CNOT4: variants seen among roughly 807,000 people sequenced by gnomAD.
The protein encoded by CNOT4 is CCR4-associated factor 4.
Under a neutral mutation model 73.8 loss-of-function variants are expected in CNOT4, and 8 were observed. The ratio of observed to expected loss-of-function variants is 0.11; its 90% CI spans 0.06 to 0.20. CNOT4 has a LOEUF of 0.20. Among genes scored for constraint, CNOT4 ranks in the 10% least tolerant of loss-of-function variants. The probability of loss-of-function intolerance (pLI) is 1.00; values close to 1 mark genes in which losing one functional copy is unlikely to be tolerated. For synonymous variants in CNOT4, 293 were observed against 321.1 expected, an observed-to-expected ratio of 0.91 and a Z score of 0.94; for missense variants, 564 against 883.4, an observed-to-expected ratio of 0.64 and a Z score of 4.58.
At chr7:135,509,809 T>C (rs1193436528) in intron 1 of CNOT4, 80 bp downstream of exon 1, 6 of 379,568 alleles carry the variant, frequency 1.6e-5, no homozygotes, top group Admixed American at 4.5e-5. Context: ...GTGCGGCCTG[T>C]ACAGTCCCAG....
intron 10 of CNOT4, among the ~76,000 whole-genome samples, chr7:135,378,135 C>T (rs1190041144): frequency 6.6e-6 from 1 of 152,188 alleles, no homozygotes; most frequent in Non-Finnish European, 1.5e-5. Flanking sequence ...CAAAATTTTA[C>T]AGTGCATTAG....
chr7:135,429,011 C>G (rs935142458), intron 2 of CNOT4, among the ~76,000 whole-genome samples: 1 of 152,026 alleles, frequency 6.6e-6, no homozygotes. Flanking sequence ...ACACATCTTG[C>G]TAATTCTGTT....
intron 8 of CNOT4, 90 bp downstream of exon 8, chr7:135,398,079 G>A: frequency 4.1e-6 from 3 of 740,250 alleles, no homozygotes; most frequent in Non-Finnish European, 7.3e-6. Context: ...AATTGTGTCA[G>A]TAAAGTATTT....
intron 2 of CNOT4, among the ~76,000 whole-genome samples, chr7:135,424,817 A>C (rs1296031687): frequency 6.6e-6 from 1 of 151,944 alleles, no homozygotes; most frequent in Non-Finnish European, 1.5e-5. Flanking sequence ...AAACAAACAA[A>C]AAAAAACAAA....
chr7:135,368,844 G>C (rs369909076), intron 10 of CNOT4, among the ~76,000 whole-genome samples: 107 of 152,304 alleles, frequency 7.0e-4, no homozygotes, highest in African/African-American at 2.5e-3. Context: ...ACCTTTCACA[G>C]AACACTGCTT....
At chr7:135,373,802 G>A (rs6467589) in intron 10 of CNOT4, among the ~76,000 whole-genome samples, 102,611 of 151,836 alleles carry the variant, frequency 0.68, 34,990 homozygotes, top group Middle Eastern at 0.79. Context: ...GGCTGGTCTC[G>A]AACTCCTGAC....
chr7:135,468,595 C>A (rs1477191210), intron 1 of CNOT4, among the ~76,000 whole-genome samples: 1 of 151,130 alleles, frequency 6.6e-6, no homozygotes, highest in Non-Finnish European at 1.5e-5. Context: ...ACATGAGAAT[C>A]GCTTGAACTC....
At chr7:135,424,737 T>C (rs1798397692) in intron 2 of CNOT4, among the ~76,000 whole-genome samples, 1 of 151,936 alleles carries the variant, frequency 6.6e-6, no homozygotes, top group South Asian at 2.1e-4. Flanking sequence ...TGCAGTGAGC[T>C]GAGATTGTGC....
intron 1 of CNOT4, chr7:135,509,490 G>C (rs766045818): frequency 6.6e-6 from 1 of 152,568 alleles, no homozygotes; most frequent in Non-Finnish European, 1.5e-5. Flanking sequence ...CTTGGGAGAC[G>C]GGGGCCAGAG....
intron 1 of CNOT4, among the ~76,000 whole-genome samples, chr7:135,483,779 G>A (rs1486449830): frequency 6.6e-6 from 1 of 152,194 alleles, no homozygotes; most frequent in Non-Finnish European, 1.5e-5. Flanking sequence ...CTGCACCATT[G>A]CACTCCAGCC....
rs1042025282 is a variant in CNOT4 at position 135,362,383 on chromosome 7, G to A, written c.*502C>T. 1.8e-5 allele frequency: 3 copies of A among 169,866 alleles called. No individual in the cohort carries two copies. Among genetic ancestry groups the A allele is most frequent in the Non-Finnish European group, 1.3e-5 (1 of 77,680 alleles). The allele number at this position is 169,866 out of a possible 1,614,324, so 10.5% of individuals were successfully genotyped here. A position where few individuals can be genotyped will look rare whatever the true frequency, so the allele number is the denominator to read the frequency against. On this transcript the variant is annotated 3_prime_UTR_variant, in exon 12 of 12. Transcript: ENST00000541284. ...AATTAAAAATTAATTTAAATTAAAA[G>A]CATTTTCCCTGCAATAATGATAAGC...
chr7:135,439,192 G>C (rs1799332884), intron 1 of CNOT4, among the ~76,000 whole-genome samples: 1 of 152,134 alleles, frequency 6.6e-6, no homozygotes, highest in Admixed American at 6.5e-5. Flanking sequence ...TAAAAGGTTA[G>C]CTTGAAATCA....
intron 1 of CNOT4, among the ~76,000 whole-genome samples, chr7:135,456,452 A>G (rs1269246806): frequency 6.6e-6 from 1 of 151,994 alleles, no homozygotes; most frequent in Admixed American, 6.6e-5. Context: ...TTGACTACAT[A>G]TTAGGCAAAT....
At chr7:135,373,715 T>G (rs1795350583) in intron 10 of CNOT4, among the ~76,000 whole-genome samples, 1 of 152,080 alleles carries the variant, frequency 6.6e-6, no homozygotes, top group Non-Finnish European at 1.5e-5. Flanking sequence ...TAGCTGGGAT[T>G]ACAGGCAAGT....
intron 3 of CNOT4, among the ~76,000 whole-genome samples, chr7:135,420,173 T>C (rs1585616257): frequency 6.6e-6 from 1 of 152,310 alleles, no homozygotes; most frequent in East Asian, 1.9e-4. Flanking sequence ...AGTACTACAG[T>C]TGATCAGATC....
chr7:135,404,164 C>T (rs894031260), intron 7 of CNOT4, among the ~76,000 whole-genome samples: 11 of 152,164 alleles, frequency 7.2e-5, no homozygotes, highest in Admixed American at 6.5e-5. Flanking sequence ...TAGCCAAATA[C>T]GACATAGGAA....
intron 10 of CNOT4, chr7:135,388,169 T>C (rs903881656): frequency 5.1e-6 from 5 of 985,124 alleles, no homozygotes; most frequent in Non-Finnish European, 6.0e-6. Context: ...TAACCATCTA[T>C]GCATAATTAA....
intron 10 of CNOT4, among the ~76,000 whole-genome samples, chr7:135,390,691 T>C (rs1481581637): frequency 6.6e-6 from 1 of 152,158 alleles, no homozygotes; most frequent in African/African-American, 2.4e-5. Flanking sequence ...GTTTCAGATA[T>C]ATCAATCTTT....
At chr7:135,425,395 A>G (rs1157742985) in intron 2 of CNOT4, among the ~76,000 whole-genome samples, 1 of 152,220 alleles carries the variant, frequency 6.6e-6, no homozygotes, top group Non-Finnish European at 1.5e-5. Context: ...CAAGTAAGAA[A>G]AATCAGGTTG....
Sources: gnomAD v4.1 joint callset for allele counts (sites outside exome capture counted in the v4.1 genomes callset) on GRCh38, gnomAD v4.1.1 for gene constraint, MANE v1.5 for transcripts, NCBI Gene and HGNC (gene_info 2026-07-23, HGNC 2026-07-21) for gene names.